The following BRD7 variants were observed in gnomAD, a reference collection of about 807,000 sequenced individuals.
BRD7 encodes bromodomain containing 7.
In BRD7, 15 loss-of-function variants were observed where a neutral mutation model predicts 82.1. The observed-to-expected ratio is 0.18, with a 90% CI of 0.12 to 0.28. The LOEUF (loss-of-function observed/expected upper bound fraction) is 0.28. BRD7 is among the 10% of genes least tolerant of loss of function. BRD7 has a pLI of 1.00. For synonymous variants in BRD7, 232 were observed against 266.9 expected, an observed-to-expected ratio of 0.87 and a Z score of 1.27; for missense variants, 638 against 779.9, an observed-to-expected ratio of 0.82 and a Z score of 2.17.
chr16:50,361,310 TATA>T (rs2038925563), intron 2 of BRD7, among the ~76,000 whole-genome samples: 1 of 152,230 alleles, frequency 6.6e-6, no homozygotes, highest in South Asian at 2.1e-4. Flanking sequence ...TAGCTTTATA[TATA>T]ATAACATCCT....
At chr16:50,357,090 C>T (rs189092380) in intron 2 of BRD7, among the ~76,000 whole-genome samples, 108 of 152,248 alleles carry the variant, frequency 7.1e-4, no homozygotes, top group Admixed American at 7.0e-3. Context: ...TCTTGTGGTT[C>T]GCAAGCTTTA....
chr16:50,354,995 G>A (rs940765779), intron 2 of BRD7, 73 bp from the exon 3 acceptor site: 2 of 1,498,004 alleles, frequency 1.3e-6, no homozygotes, highest in Non-Finnish European at 1.8e-6. Context: ...ATCATTTTAA[G>A]GGGTAAAAAG....
intron 3 of BRD7, 23 bp from the exon 4 acceptor site, chr16:50,354,505 AG>A (rs1473697172): frequency 3.1e-6 from 5 of 1,595,114 alleles, no homozygotes; most frequent in Middle Eastern, 2.2e-4. Context: ...AGAAGGGAAA[AG>A]GGTATTTTAA....
At chr16:50,365,588 C>T (rs554087163) in intron 2 of BRD7, among the ~76,000 whole-genome samples, 5 of 152,060 alleles carry the variant, frequency 3.3e-5, no homozygotes, top group African/African-American at 9.6e-5. Flanking sequence ...GAAAAAACTT[C>T]GATTAATATC....
At chr16:50,342,672 C>T (rs971152559) in intron 5 of BRD7, among the ~76,000 whole-genome samples, 11 of 151,988 alleles carry the variant, frequency 7.2e-5, no homozygotes, top group African/African-American at 1.9e-4. Flanking sequence ...CCACCTGCCT[C>T]GGCCTCCGGA....
At chr16:50,352,728 A>G (rs1449103850) in intron 4 of BRD7, among the ~76,000 whole-genome samples, 1 of 140,708 alleles carries the variant, frequency 7.1e-6, no homozygotes. Context: ...GTCTTTTGAT[A>G]ACAGGCATTC....
intron 5 of BRD7, among the ~76,000 whole-genome samples, chr16:50,341,176 G>GCA (rs2038032330): frequency 1.2e-5 from 1 of 83,922 alleles, no homozygotes; most frequent in Non-Finnish European, 2.8e-5. Context: ...CAGACCTTAA[G>GCA]TACACACACA....
intron 16 of BRD7, 71 bp from the exon 17 acceptor site, chr16:50,319,337 A>G (rs1249767631): frequency 1.4e-6 from 2 of 1,473,960 alleles, no homozygotes; most frequent in Non-Finnish European, 1.9e-6. Flanking sequence ...CATGAAAGTC[A>G]AGCTGCCATC....
chr16:50,363,467 T>C (rs531654048), intron 2 of BRD7, among the ~76,000 whole-genome samples: 6 of 152,214 alleles, frequency 3.9e-5, no homozygotes, highest in Non-Finnish European at 5.9e-5. Flanking sequence ...CAAAGCACGT[T>C]GTACCCCTAA....
At position 50,318,289 on chromosome 16, in the gene BRD7, T is replaced by TA. The variant is rs1171192767; in HGVS notation, c.*921dup. On this transcript the variant is annotated 3_prime_UTR_variant, in exon 17 of 17. Coordinates refer to ENST00000394688, the MANE Select transcript of BRD7 (RefSeq NM_013263.5). ...TACCCTATTTGTTCTTCCTAAATAC[T>TA]AATTAATTTTCAAAGTCAGGAAAAT... is the stretch of plus-strand genomic sequence containing the variant. 1 of 141,470 alleles carries TA rather than the reference T, an allele frequency of 7.1e-6. No homozygotes were observed. The highest frequency in any genetic ancestry group is 1.9e-4 in the East Asian group (1 of 5,198). 8.8% of individuals were successfully genotyped at this position (141,470 alleles called of 1,614,324 possible).
At chr16:50,330,906 A>AAT (rs60550754) in intron 8 of BRD7, among the ~76,000 whole-genome samples, 39,150 of 151,836 alleles carry the variant, frequency 0.26, 5,562 homozygotes, top group African/African-American at 0.37. Context: ...TAAAATAGTT[A>AAT]ATATGTTATT....
At chr16:50,361,448 G>A (rs544398755) in intron 2 of BRD7, among the ~76,000 whole-genome samples, 1 of 152,022 alleles carries the variant, frequency 6.6e-6, no homozygotes, top group Non-Finnish European at 1.5e-5. Context: ...ACCAGAAGTC[G>A]ACCTACAAAG....
intron 5 of BRD7, among the ~76,000 whole-genome samples, chr16:50,344,794 G>A (rs527483868): frequency 6.6e-6 from 1 of 152,310 alleles, no homozygotes; most frequent in Non-Finnish European, 1.5e-5. Flanking sequence ...CATCTGATTG[G>A]TGTACCTGAA....
chr16:50,354,739 C>T (rs868722256), intron 3 of BRD7, 54 bp downstream of exon 3: 2 of 1,571,918 alleles, frequency 1.3e-6, no homozygotes, highest in Admixed American at 1.9e-5. Flanking sequence ...TTTTCCTGAG[C>T]TATAATGATT....
In BRD7 at chr16:50,350,037, T is replaced by C. The variant is rs770943965; in HGVS notation, c.577A>G (p.Ile193Val). The change falls in exon 5 of 17, where the codon ATA (isoleucine) becomes GTA (valine). Residue 193 changes from isoleucine (I) to valine (V), a missense_variant. Physicochemically the swap from Ile to Val is conservative, Grantham distance 29. Coordinates refer to ENST00000394688, the MANE Select transcript of BRD7 (RefSeq NM_013263.5). ...TGAAGAGTTACCTTTAGTTCTTCTA[T>C]GGACTGATAGTCATTGTTCTTGATC... ...EKIKNNDYQS[I>V]EELKDNFKLM... The C allele has an allele frequency of 5.0e-6, 8 of 1,593,596 alleles. No homozygotes were observed. Among genetic ancestry groups the C allele is most frequent in the African/African-American group, 2.7e-5 (2 of 73,780 alleles).
chr16:50,368,608 C>T, intron 1 of BRD7, 118 bp downstream of exon 1: 5 of 1,101,554 alleles, frequency 4.5e-6, no homozygotes, highest in Non-Finnish European at 6.1e-6. Flanking sequence ...CCCCCTTCGC[C>T]GGCCTGGGCC....
At chr16:50,319,518 C>G (rs2036976206) in intron 16 of BRD7, among the ~76,000 whole-genome samples, 2 of 152,106 alleles carry the variant, frequency 1.3e-5, no homozygotes, top group South Asian at 4.1e-4. Context: ...GATAAATGTT[C>G]CTTTTACAGT....
intron 2 of BRD7, among the ~76,000 whole-genome samples, chr16:50,356,858 C>T (rs1600008): frequency 0.84 from 127,724 of 152,144 alleles, 53,895 homozygotes; most frequent in East Asian, 1. Context: ...AATTTAAATT[C>T]TGAAGTAAAA....
In BRD7 at chr16:50,324,304, C is replaced by T. The variant is rs369937158; in HGVS notation, c.1332-606G>A. Among the ~76,000 whole-genome samples the T allele has an allele frequency of 7.9e-5, 12 of 152,264 alleles. No homozygotes were observed. In the South Asian group the frequency reaches 2.1e-3, roughly 26 times the overall value. On this transcript the variant is annotated intron_variant, in intron 11 of 16. Coordinates refer to ENST00000394688, the MANE Select transcript of BRD7 (RefSeq NM_013263.5). ...GACTGAGCCCTTCCCAGAACCTCACCTGCTACTCCCCCGGTCCATTTCTCA... is the reference window on the plus strand; with the variant it reads ...GACTGAGCCCTTCCCAGAACCTCACTTGCTACTCCCCCGGTCCATTTCTCA...
Sources: gnomAD v4.1 joint callset for allele counts (sites outside exome capture counted in the v4.1 genomes callset) on GRCh38, gnomAD v4.1.1 for gene constraint, MANE v1.5 for transcripts, NCBI Gene and HGNC (gene_info 2026-07-23, HGNC 2026-07-21) for gene names.